CSMD1: variants seen among roughly 807,000 people sequenced by gnomAD.
CSMD1 encodes CUB and sushi domain-containing protein 1.
A neutral mutation model predicts 417.5 loss-of-function variants in CSMD1; 213 were observed. The ratio of observed to expected loss-of-function variants is 0.51; its 90% CI spans 0.46 to 0.57. The LOEUF (loss-of-function observed/expected upper bound fraction) is 0.57, where lower values mean the gene tolerates loss of function less well. Ranked by LOEUF, CSMD1 falls within the 20% of genes least tolerant of loss-of-function variation. The pLI is 0.00. For synonymous variants in CSMD1, 2,862 were observed against 1,736.8 expected, an observed-to-expected ratio of 1.65 and a Z score of -16.11; for missense variants, 6,923 against 4,529.7, an observed-to-expected ratio of 1.53 and a Z score of -15.17.
At chr8:4,774,480 G>A (rs529931670) in intron 1 of CSMD1, among the ~76,000 whole-genome samples, 2 of 152,102 alleles carry the variant, frequency 1.3e-5, no homozygotes, top group Non-Finnish European at 2.9e-5. Context: ...TAATATGCTT[G>A]ATATTTTTTT....
intron 37 of CSMD1, among the ~76,000 whole-genome samples, chr8:3,176,978 A>T (rs920088770): frequency 6.6e-6 from 1 of 151,868 alleles, no homozygotes; most frequent in African/African-American, 2.4e-5. Context: ...AGGTTTTGCC[A>T]TGTTGCCCAG....
intron 4 of CSMD1, among the ~76,000 whole-genome samples, chr8:4,027,657 T>A (rs930772531): frequency 1.3e-5 from 2 of 152,178 alleles, no homozygotes; most frequent in African/African-American, 4.8e-5. Flanking sequence ...CAGGTATTTC[T>A]TCATAGTAGC....
At chr8:4,168,149 ACAC>A (rs2131124672) in intron 3 of CSMD1, among the ~76,000 whole-genome samples, 1 of 852 alleles carries the variant, frequency 1.2e-3, no homozygotes, top group East Asian at 0.033. Context: ...AAAAATATAC[ACAC>A]ACACACACAC....
chr8:4,338,532 C>T lies in CSMD1; in HGVS notation c.415+81421G>A, dbSNP rs182544670. On this transcript the variant is annotated intron_variant, in intron 3 of 69. Coordinates refer to ENST00000635120, the MANE Select transcript of CSMD1 (RefSeq NM_033225.6). ...TACCTTCAAAGTTCTTCGGCTTTTT[C>T]TAGTTTACTCTATTTTCAAAACTAA... is the stretch of plus-strand genomic sequence containing the variant. Among the ~76,000 whole-genome samples the T allele has an allele frequency of 3.5e-4, 53 of 152,106 alleles. 1 individual carries two copies. Among genetic ancestry groups the T allele is most frequent in the Middle Eastern group, 3.4e-3 (1 of 294 alleles).
At chr8:4,452,321 T>A (rs1029354113) in intron 2 of CSMD1, among the ~76,000 whole-genome samples, 9 of 152,214 alleles carry the variant, frequency 5.9e-5, no homozygotes, top group African/African-American at 2.2e-4. Context: ...TTCTACAGTT[T>A]TTGAAAGCAA....
In CSMD1 at chr8:4,312,446, T is replaced by C. The variant is rs955148162; in HGVS notation, c.415+107507A>G. Among the ~76,000 whole-genome samples, 21 of 139,660 alleles carry C rather than the reference T, an allele frequency of 1.5e-4. 2 individuals carry two copies. The highest frequency in any genetic ancestry group is 5.2e-4 in the African/African-American group (17 of 32,992). 91.6% of individuals were successfully genotyped at this position (139,660 alleles called of 152,430 possible). A position where few individuals can be genotyped will look rare whatever the true frequency, so the allele number is the denominator to read the frequency against. On this transcript the variant is annotated intron_variant, in intron 3 of 69. Transcript: ENST00000635120. ...GCGCGTATATATATATGCGTATATA[T>C]ATACGTATATATATGCGCGTATATA...
intron 5 of CSMD1, among the ~76,000 whole-genome samples, chr8:3,863,604 C>A (rs181296050): frequency 6.6e-5 from 10 of 152,220 alleles, no homozygotes; most frequent in African/African-American, 2.2e-4. Flanking sequence ...TCAAACCTTG[C>A]AGTAGGATGT....
At chr8:4,186,784 C>G (rs1253885052) in intron 3 of CSMD1, among the ~76,000 whole-genome samples, 3 of 150,552 alleles carry the variant, frequency 2.0e-5, no homozygotes, top group African/African-American at 7.3e-5. Context: ...GTCAGGAGTT[C>G]AAGACCAGCC....
At chr8:3,836,284 T>A (rs1208040793) in intron 5 of CSMD1, among the ~76,000 whole-genome samples, 1 of 152,164 alleles carries the variant, frequency 6.6e-6, no homozygotes, top group Non-Finnish European at 1.5e-5. Context: ...AAAAACTGAT[T>A]GAAGCTTGTA....
chr8:3,782,579 G>A (rs1281685203), intron 5 of CSMD1, among the ~76,000 whole-genome samples: 1 of 152,108 alleles, frequency 6.6e-6, no homozygotes, highest in Non-Finnish European at 1.5e-5. Flanking sequence ...AAACCAACAT[G>A]GCACATGTAA....
intron 37 of CSMD1, among the ~76,000 whole-genome samples, chr8:3,171,017 T>G (rs1215758705): frequency 6.6e-6 from 1 of 152,178 alleles, no homozygotes; most frequent in Non-Finnish European, 1.5e-5. Context: ...AAGTGACATT[T>G]TGGAATAAAT....
At chr8:4,003,524 A>T (rs966862863) in intron 4 of CSMD1, among the ~76,000 whole-genome samples, 13 of 152,238 alleles carry the variant, frequency 8.5e-5, no homozygotes, top group African/African-American at 2.9e-4. Context: ...ATTCTAGAAC[A>T]AACCAAAATT....
chr8:4,096,598 T>A (rs978272083), intron 3 of CSMD1, among the ~76,000 whole-genome samples: 16 of 152,212 alleles, frequency 1.1e-4, no homozygotes, highest in Admixed American at 7.9e-4. Flanking sequence ...AAGTTTGTAT[T>A]GTGTAATCTG....
chr8:3,504,563 T>G (rs930045171), intron 10 of CSMD1, among the ~76,000 whole-genome samples: 2 of 152,226 alleles, frequency 1.3e-5, no homozygotes, highest in Non-Finnish European at 2.9e-5. Context: ...TCTGCCACCA[T>G]TTGAAGTATT....
intron 5 of CSMD1, among the ~76,000 whole-genome samples, chr8:3,964,602 A>G (rs756940314): frequency 1.7e-4 from 26 of 152,136 alleles, no homozygotes; most frequent in Non-Finnish European, 2.5e-4. Flanking sequence ...TTAAATCCCA[A>G]TTGTAATGTT....
intron 1 of CSMD1, among the ~76,000 whole-genome samples, chr8:4,711,277 C>G (rs1463945098): frequency 6.6e-6 from 1 of 151,910 alleles, no homozygotes; most frequent in Non-Finnish European, 1.5e-5. Context: ...TAAAAGAGCA[C>G]TTGTTTAGGT....
chr8:3,299,391 G>A (rs941205093), intron 25 of CSMD1, among the ~76,000 whole-genome samples: 2 of 152,262 alleles, frequency 1.3e-5, no homozygotes, highest in Admixed American at 1.3e-4. Flanking sequence ...GGTGGAGGTT[G>A]CAGTGAGCCA....
rs143275227 is a variant in CSMD1, at chr8:3,998,792, G to C, written c.611-682C>G. Among the ~76,000 whole-genome samples, 1,163 of 151,624 alleles carry C rather than the reference G, an allele frequency of 7.7e-3. 55 individuals carry two copies. In the East Asian group the frequency reaches 0.13, roughly 17 times the overall value. On this transcript the variant is annotated intron_variant, in intron 4 of 69. Coordinates refer to ENST00000635120, the MANE Select transcript of CSMD1 (RefSeq NM_033225.6). ...AAAGGAAACAGATCTTGGTAAGTTT[G>C]CTATAGAGTAAAAAAGCTTCTTTGT... is the stretch of plus-strand genomic sequence containing the variant.
chr8:3,951,729 T>TG (rs551541343), intron 5 of CSMD1, among the ~76,000 whole-genome samples: 4 of 152,066 alleles, frequency 2.6e-5, no homozygotes, highest in African/African-American at 7.2e-5. Context: ...ATTAACAACA[T>TG]GGGGGGCATT....
Sources: gnomAD v4.1 joint callset for allele counts (sites outside exome capture counted in the v4.1 genomes callset) on GRCh38, gnomAD v4.1.1 for gene constraint, MANE v1.5 for transcripts, NCBI Gene and HGNC (gene_info 2026-07-23, HGNC 2026-07-21) for gene names.